The following GUF1 variants were observed in gnomAD, a reference collection of about 807,000 sequenced individuals.
The protein encoded by GUF1 is GTP binding elongation factor GUF1.
GUF1 carries 78 observed loss-of-function variants against 82.4 expected under a neutral mutation model. The observed-to-expected ratio is 0.95, with a 90% CI of 0.79 to 1.14. The LOEUF (loss-of-function observed/expected upper bound fraction) is 1.14. Among genes scored for constraint, GUF1 ranks in the 50% most tolerant of loss-of-function variants. The pLI is 0.00. For missense variants in GUF1, 814 were observed against 798.2 expected (o/e 1.02, Z -0.24); for synonymous variants, 279 against 282.3 (o/e 0.99, Z 0.12).
chr4:44,678,700 G>A lies in GUF1; in HGVS notation c.78G>A (p.Val26=), dbSNP rs763991647. The A allele has an allele frequency of 2.0e-6, 3 of 1,505,760 alleles. No homozygotes were observed. In the African/African-American group the frequency reaches 4.4e-5, roughly 22 times the overall value. The allele number at this position is 1,505,760 out of a possible 1,614,324, so 93.3% of individuals were successfully genotyped here. A position where few individuals can be genotyped will look rare whatever the true frequency, so the allele number is the denominator to read the frequency against. Residue 26 remains valine (V), a synonymous_variant, in exon 1 of 17, where the codon GTG becomes GTA. Transcript: ENST00000281543. ...GAGCCACTGGGGCCGCGCTTCTGGTGGCCCCGGGGCCCCGGTCCGCGCCGA... is the reference window on the plus strand; with the variant it reads ...GAGCCACTGGGGCCGCGCTTCTGGTAGCCCCGGGGCCCCGGTCCGCGCCGA... ...APRATGAALL[V]APGPRSAPTL...
At chr4:44,680,010 C>A (rs1453885609) in intron 1 of GUF1, among the ~76,000 whole-genome samples, 1 of 152,080 alleles carries the variant, frequency 6.6e-6, no homozygotes, top group Non-Finnish European at 1.5e-5. Flanking sequence ...ATTAGAGACA[C>A]AGATTTTTAA....
In GUF1 at chr4:44,678,462, T is replaced by A. The variant is rs1714550810; in HGVS notation, c.-161T>A. 1.8e-6 allele frequency: 1 copy of A among 545,480 alleles called. No homozygotes were observed. The highest frequency in any genetic ancestry group is 2.9e-6 in the Non-Finnish European group (1 of 345,208). The allele number at this position is 545,480 out of a possible 1,614,324, so 33.8% of individuals were successfully genotyped here. Reference sequence around the variant, plus strand: ...GCCGCCGCTTCGGGTTGCTTCCGGATCTGGTACTTGGGCAGAGCTCCCCGG... The same window carrying A: ...GCCGCCGCTTCGGGTTGCTTCCGGAACTGGTACTTGGGCAGAGCTCCCCGG... On this transcript the variant is annotated 5_prime_UTR_variant, in exon 1 of 17. Transcript: ENST00000281543.
intron 15 of GUF1, among the ~76,000 whole-genome samples, chr4:44,696,838 A>G (rs1715856860): frequency 6.6e-6 from 1 of 152,200 alleles, no homozygotes; most frequent in Non-Finnish European, 1.5e-5. Flanking sequence ...TGTTGAGATA[A>G]TACCTTAAAA....
In GUF1 at chr4:44,695,622, G is replaced by C; in HGVS notation, c.1723G>C (p.Ala575Pro). The C allele has an allele frequency of 6.2e-7, 1 of 1,609,742 alleles. No individual in the cohort carries two copies. The highest frequency in any genetic ancestry group is 2.2e-5 in the East Asian group (1 of 44,722). The change falls in exon 15 of 17, where the codon GCT (alanine) becomes CCT (proline). Residue 575 changes from alanine (A) to proline (P), a missense_variant. Ala to Pro is a conservative substitution (Grantham distance 27). Transcript: ENST00000281543. Reference sequence around the variant, plus strand: ...TGTATTTTTCTGTCTCAGAGACAAAGCTCATTCAATTGGCAAAGCCATATG... The same window carrying C: ...TGTATTTTTCTGTCTCAGAGACAAACCTCATTCAATTGGCAAAGCCATATG... The part of the protein sequence containing the change: ...ELVTVVHKDK[A>P]HSIGKAICER...
intron 6 of GUF1, among the ~76,000 whole-genome samples, chr4:44,684,174 G>A (rs1714922551): frequency 6.6e-6 from 1 of 151,976 alleles, no homozygotes; most frequent in South Asian, 2.1e-4. Context: ...GATTGTCAAG[G>A]AAATTCATTC....
In GUF1 at chr4:44,678,575, TG is replaced by T; in HGVS notation, c.-47del. On this transcript the variant is annotated 5_prime_UTR_variant, in exon 1 of 17. An upstream open reading frame in the 5' UTR loses its in-frame stop. Coordinates refer to ENST00000281543, the MANE Select transcript of GUF1 (RefSeq NM_021927.3). ...ACCTTCGAAAAAAAACGGGCTATGC[TG>T]CTGTTGCGTGTGGGTACCCTCTCCT... 4 of 1,411,038 alleles carry T rather than the reference TG, an allele frequency of 2.8e-6. No homozygotes were observed. Among genetic ancestry groups the T allele is most frequent in the Non-Finnish European group, 2.8e-6 (3 of 1,083,562 alleles). The allele number at this position is 1,411,038 out of a possible 1,614,324, so 87.4% of individuals were successfully genotyped here.
In GUF1 at chr4:44,680,673, A is replaced by C. The variant is rs541069652; in HGVS notation, c.278-21A>C. The C allele has an allele frequency of 2.6e-6, 4 of 1,526,164 alleles. No homozygotes were observed. The African/African-American group carries it at 5.6e-5, about 21-fold the overall frequency. 94.5% of individuals were successfully genotyped at this position (1,526,164 alleles called of 1,614,324 possible). On this transcript the variant is annotated intron_variant, in intron 2 of 16. Coordinates refer to ENST00000281543, the MANE Select transcript of GUF1 (RefSeq NM_021927.3). The stretch of plus-strand genomic sequence containing the variant: ...TTTTTTTAAAGCCCAGAGAAATATC[A>C]ATAAGTGTTTCTGTTTATAGGGACA...
chr4:44,688,119 A>C lies in GUF1; in HGVS notation c.1051A>C (p.Lys351Gln), dbSNP rs1196225197. The C allele has an allele frequency of 6.2e-7, 1 of 1,611,614 alleles. No homozygotes were observed. Among genetic ancestry groups the C allele is most frequent in the Non-Finnish European group, 8.5e-7 (1 of 1,178,376 alleles). Residue 351 changes from lysine (K) to glutamine (Q), a missense_variant, in exon 9 of 17, where the codon AAA becomes CAA. Physicochemically the swap from Lys to Gln is moderately conservative, Grantham distance 53. Transcript: ENST00000281543. ...ACCAGTGGAGCCCTTGCCTGGGTTTAAATCAGCGAAACCAATGGTATTTGC... is the reference window on the plus strand; with the variant it reads ...ACCAGTGGAGCCCTTGCCTGGGTTTCAATCAGCGAAACCAATGGTATTTGC... ...KQPVEPLPGFKSAKPMVFAGM... is the reference protein window; with the variant it reads ...KQPVEPLPGFQSAKPMVFAGM...
Position 44,678,501 on chromosome 4 carries a change from C to T in GUF1, c.-122C>T. Reference sequence around the variant, plus strand: ...AGAGCTCCCCGGGGTTCATTGTCTTCGCTTCACAGGATCTGTTTGAGTCCT... The same window carrying T: ...AGAGCTCCCCGGGGTTCATTGTCTTTGCTTCACAGGATCTGTTTGAGTCCT... On this transcript the variant is annotated 5_prime_UTR_variant, in exon 1 of 17. Transcript: ENST00000281543. 1 of 790,522 alleles carries T rather than the reference C, an allele frequency of 1.3e-6. No homozygotes were observed. Among genetic ancestry groups the T allele is most frequent in the Non-Finnish European group, 1.8e-6 (1 of 558,358 alleles). 49.0% of individuals were successfully genotyped at this position (790,522 alleles called of 1,614,324 possible).
chr4:44,689,647 T>C (rs941971937), intron 10 of GUF1, among the ~76,000 whole-genome samples, 196 bp from the exon 11 acceptor site: 1 of 151,854 alleles, frequency 6.6e-6, no homozygotes, highest in Non-Finnish European at 1.5e-5. Context: ...GTAAGTTTTA[T>C]AGTGATTTAA....
chr4:44,680,444 A>C lies in GUF1; in HGVS notation c.169A>C (p.Lys57Gln), dbSNP rs1254836693. ...RLYSSAEFKE[K>Q]LDMSRFPVEN... ...ATGTGGTATTTCCCCTTTCTAGGAA[A>C]AACTTGACATGTCTAGGTTTCCTGT... The change falls in exon 2 of 17, where the codon AAA (lysine) becomes CAA (glutamine). Residue 57 changes from lysine (K) to glutamine (Q), a missense_variant. Physicochemically the swap from Lys to Gln is moderately conservative, Grantham distance 53. Transcript: ENST00000281543. The C allele has an allele frequency of 1.3e-6, 2 of 1,552,936 alleles. No individual in the cohort carries two copies. The highest frequency in any genetic ancestry group is 1.8e-6 in the Non-Finnish European group (2 of 1,130,914).
Position 44,691,718 on chromosome 4 carries a change from T to C in GUF1, c.1532T>C (p.Met511Thr), listed in dbSNP as rs768209284. The C allele has an allele frequency of 3.2e-6, 5 of 1,584,190 alleles. No homozygotes were observed. The highest frequency in any genetic ancestry group is 1.4e-5 in the African/African-American group (1 of 73,938). The change falls in exon 13 of 17, where the codon ATG (methionine) becomes ACG (threonine). Residue 511 changes from methionine (M) to threonine (T), a missense_variant. By Grantham distance (81) the Met-to-Thr change is moderately conservative. Transcript: ENST00000281543. ...NMIFIDQNRVMLKYLFPLNEI... is the reference protein window; with the variant it reads ...NMIFIDQNRVTLKYLFPLNEI... ...ATATTTATTGATCAAAATAGAGTTA[T>C]GCTTAAATATCTCTTTCCTTTGAAT...
At chr4:44,696,402 A>T (rs773399989) in intron 15 of GUF1, among the ~76,000 whole-genome samples, 2 of 152,168 alleles carry the variant, frequency 1.3e-5, no homozygotes, top group Non-Finnish European at 2.9e-5. Context: ...TCTGGGAAAC[A>T]TAGTAAGACC....
intron 13 of GUF1, 178 bp from the exon 14 acceptor site, chr4:44,694,234 T>G: frequency 1.8e-6 from 1 of 542,508 alleles, no homozygotes; most frequent in East Asian, 3.7e-5. Flanking sequence ...TTAATAAACA[T>G]AAAAAGATAA....
rs768666218 is a variant in GUF1, at chr4:44,689,917, T to G, written c.1277T>G (p.Ile426Ser). ...RLEQEYNASV[I>S]LTTPTVPYKA... ...GAGCAAGAATATAATGCTTCTGTTA[T>G]TTTAACAACCCCTACTGTTCCATAT... Residue 426 changes from isoleucine (I) to serine (S), a missense_variant, in exon 11 of 17, where the codon ATT becomes AGT. By Grantham distance (142) the Ile-to-Ser change is moderately radical. Transcript: ENST00000281543. 6.8e-6 allele frequency: 11 copies of G among 1,608,978 alleles called. No individual in the cohort carries two copies. The highest frequency in any genetic ancestry group is 4.0e-5 in the African/African-American group (3 of 74,764).
intron 16 of GUF1, 113 bp downstream of exon 16, chr4:44,697,557 G>T: frequency 3.9e-6 from 2 of 517,586 alleles, no homozygotes; most frequent in South Asian, 9.7e-5. Context: ...TTGTTTCCAA[G>T]TTCCCTTTTT....
chr4:44,685,970 A>AT lies in GUF1; in HGVS notation c.681_682insT (p.Leu228SerfsTer6), dbSNP rs1231388658. 6.2e-7 allele frequency: 1 copy of AT among 1,602,928 alleles called. No homozygotes were observed. The highest frequency in any genetic ancestry group is 1.3e-5 in the African/African-American group (1 of 74,632). ...ATGTATCTTTTTAGATTTCTGCTAA[A>AT]CTTGGAACAAATGTTGAGAGTGTTC... On this transcript the variant is annotated frameshift_variant, in exon 7 of 17. Transcript: ENST00000281543. LOFTEE classifies it high-confidence loss of function.
intron 6 of GUF1, among the ~76,000 whole-genome samples, 187 bp from the exon 7 acceptor site, chr4:44,685,772 A>T (rs1715009280): frequency 6.6e-6 from 1 of 152,076 alleles, no homozygotes; most frequent in Non-Finnish European, 1.5e-5. Context: ...CTGTAGAACT[A>T]CGTAACTATA....
At chr4:44,680,388 GT>G in intron 1 of GUF1, 52 bp from the exon 2 acceptor site, 1 of 752,812 alleles carries the variant, frequency 1.3e-6, no homozygotes. Flanking sequence ...TGGTATACTT[GT>G]TTGATAGTAT....
Sources: allele counts gnomAD v4.1 joint callset (sites outside exome capture counted in the v4.1 genomes callset), GRCh38; gene constraint gnomAD v4.1.1; transcripts MANE v1.5; gene names NCBI Gene and HGNC (gene_info 2026-07-23, HGNC 2026-07-21).